Variants in PDE3A observed in about 807,000 individuals in gnomAD.
PDE3A encodes the protein phosphodiesterase 3A, also known as cGMP-inhibited 3',5'-cyclic phosphodiesterase 3A.
A neutral mutation model predicts 98.3 loss-of-function variants in PDE3A; 43 were observed. The observed-to-expected ratio is 0.44, with a 90% CI of 0.34 to 0.56. The LOEUF is 0.56. Among genes scored for constraint, PDE3A ranks in the 20% least tolerant of loss-of-function variants. PDE3A has a pLI of 0.01. For synonymous variants in PDE3A, 663 were observed against 567.9 expected (o/e 1.17, Z -2.38); for missense variants, 1,427 against 1,440.7 (o/e 0.99, Z 0.15).
chr12:20,450,691 C>T (rs897213897), intron 1 of PDE3A, among the ~76,000 whole-genome samples: 4 of 152,208 alleles, frequency 2.6e-5, no homozygotes, highest in African/African-American at 9.6e-5. Flanking sequence ...AAGTTGTCTT[C>T]AACCAAGAGT....
chr12:20,489,769 C>G (rs1270791140), intron 1 of PDE3A, among the ~76,000 whole-genome samples: 1 of 152,120 alleles, frequency 6.6e-6, no homozygotes, highest in Non-Finnish European at 1.5e-5. Context: ...ACAGATGGGT[C>G]TTAGGTCAGG....
At chr12:20,587,999 G>A (rs4131935) in intron 2 of PDE3A, among the ~76,000 whole-genome samples, 110,825 of 152,102 alleles carry the variant, frequency 0.73, 40,436 homozygotes, top group Admixed American at 0.8. Flanking sequence ...CTTAAAATGA[G>A]GCAGATAAAA....
At chr12:20,509,003 A>G (rs1046478930) in intron 1 of PDE3A, among the ~76,000 whole-genome samples, 2 of 152,042 alleles carry the variant, frequency 1.3e-5, no homozygotes, top group Non-Finnish European at 2.9e-5. Flanking sequence ...TTTCGTATAT[A>G]GCCAGCATTT....
At chr12:20,444,216 A>T (rs1479574169) in intron 1 of PDE3A, among the ~76,000 whole-genome samples, 1 of 152,132 alleles carries the variant, frequency 6.6e-6, no homozygotes, top group Non-Finnish European at 1.5e-5. Context: ...CCTGTAGCTG[A>T]GTTTTCTTTT....
chr12:20,687,521 T>C lies in PDE3A; in HGVS notation c.*7250T>C, dbSNP rs900032889. Among the ~76,000 whole-genome samples, 1 of 151,922 alleles carries C rather than the reference T, an allele frequency of 6.6e-6. No individual in the cohort carries two copies. The highest frequency in any genetic ancestry group is 6.6e-5 in the Admixed American group (1 of 15,228). On this transcript the variant is annotated 3_prime_UTR_variant, in exon 16 of 16. Transcript: ENST00000359062. ...AACTGGTGTTTTTTTCACTTATGAC[T>C]GTCAGTTTATGTCTTAATGTATTCT...
At chr12:20,524,889 C>T (rs7303852) in intron 1 of PDE3A, among the ~76,000 whole-genome samples, 31,182 of 152,024 alleles carry the variant, frequency 0.21, 3,411 homozygotes, top group South Asian at 0.25. Flanking sequence ...AATCCCAGCA[C>T]TTTGGGAGAC....
chr12:20,600,973 G>GTTAC (rs1685053043), intron 2 of PDE3A, among the ~76,000 whole-genome samples: 1 of 152,128 alleles, frequency 6.6e-6, no homozygotes, highest in South Asian at 2.1e-4. Flanking sequence ...TTTGGAGTAT[G>GTTAC]TTACTTATGC....
intron 8 of PDE3A, among the ~76,000 whole-genome samples, chr12:20,635,591 AGAAAG>A (rs145595101): frequency 0.048 from 7,119 of 147,710 alleles, 249 homozygotes; most frequent in Non-Finnish European, 0.07. Flanking sequence ...AAAAAAAAAA[AGAAAG>A]AAAGAAATTA....
intron 1 of PDE3A, among the ~76,000 whole-genome samples, chr12:20,479,595 G>A (rs1372322058): frequency 6.6e-6 from 1 of 152,138 alleles, no homozygotes; most frequent in African/African-American, 2.4e-5. Context: ...GAATGTTTTG[G>A]TTGTTCATCC....
intron 1 of PDE3A, among the ~76,000 whole-genome samples, chr12:20,533,325 A>G (rs1941659169): frequency 2.0e-5 from 3 of 151,842 alleles, no homozygotes; most frequent in Non-Finnish European, 2.9e-5. Flanking sequence ...ATGGTTATCC[A>G]TGTTCCCTAT....
Position 20,369,740 on chromosome 12 carries a change from C to T in PDE3A, c.456C>T (p.Arg152=), listed in dbSNP as rs1489436873. ...TCTGGATGGGCTTGTACCTCCTGCG[C>T]GCCGGGGTGCGCCTGCCTCTGGCTG... ...AFFWMGLYLL[R]AGVRLPLAVA... Residue 152 remains arginine (R), a synonymous_variant, in exon 1 of 16, where the codon CGC becomes CGT. Transcript: ENST00000359062. 4.3e-6 allele frequency: 7 copies of T among 1,612,118 alleles called. No homozygotes were observed. The African/African-American group carries it at 9.3e-5, about 22-fold the overall frequency.
intron 1 of PDE3A, chr12:20,551,904 CG>C (rs1942215409): frequency 6.2e-7 from 1 of 1,613,452 alleles, no homozygotes; most frequent in Non-Finnish European, 8.5e-7. Context: ...CGGGGATCCC[CG>C]TGGGCACCAT....
At chr12:20,541,732 CA>C (rs1592037520) in intron 1 of PDE3A, among the ~76,000 whole-genome samples, 2 of 151,538 alleles carry the variant, frequency 1.3e-5, no homozygotes, top group Admixed American at 6.6e-5. Context: ...CTTTTTTCTG[CA>C]AAAAAAGCAT....
chr12:20,438,076 T>C (rs972978224), intron 1 of PDE3A, among the ~76,000 whole-genome samples: 2 of 152,142 alleles, frequency 1.3e-5, no homozygotes, highest in African/African-American at 4.8e-5. Flanking sequence ...GTTAAGACTT[T>C]TCTTGGGGGT....
chr12:20,595,679 A>T (rs1447696836), intron 2 of PDE3A, among the ~76,000 whole-genome samples: 1 of 152,198 alleles, frequency 6.6e-6, no homozygotes, highest in Non-Finnish European at 1.5e-5. Flanking sequence ...TGAAACTAGT[A>T]GGGAGACATT....
chr12:20,428,006 G>A (rs959442447), intron 1 of PDE3A, among the ~76,000 whole-genome samples: 1 of 152,050 alleles, frequency 6.6e-6, no homozygotes, highest in Non-Finnish European at 1.5e-5. Context: ...GAGGTCAGGA[G>A]TAATCCCACA....
rs758857424 is a variant in PDE3A, at chr12:20,616,379, A to C, written c.1419A>C (p.Ser473=). Residue 473 remains serine, a synonymous_variant, in exon 4 of 16, where the codon TCA becomes TCC. Transcript: ENST00000359062. Reference sequence around the variant, plus strand: ...GCATCAAACTGCAGGAAGCACCTTCATCCAGGTGGCATACGGCTCCTGCTG... The same window carrying C: ...GCATCAAACTGCAGGAAGCACCTTCCTCCAGGTGGCATACGGCTCCTGCTG... ...STSIKLQEAP[S]SSPDSWNNPV... is the part of the protein sequence containing the mutation. The C allele has an allele frequency of 6.2e-7, 1 of 1,612,884 alleles. No homozygotes were observed. The highest frequency in any genetic ancestry group is 1.7e-5 in the Admixed American group (1 of 59,954).
chr12:20,647,039 A>G (rs1944791282), intron 12 of PDE3A, 89 bp downstream of exon 12: 5 of 838,772 alleles, frequency 6.0e-6, no homozygotes, highest in Non-Finnish European at 9.9e-6. Flanking sequence ...GCACCAAGTT[A>G]ATATAAGCCA....
intron 1 of PDE3A, among the ~76,000 whole-genome samples, chr12:20,416,319 C>A (rs563028468): frequency 6.6e-6 from 1 of 152,130 alleles, no homozygotes; most frequent in African/African-American, 2.4e-5. Flanking sequence ...GACAAACTAC[C>A]GTTAGGTTGT....
Sources: allele counts gnomAD v4.1 joint callset (sites outside exome capture counted in the v4.1 genomes callset), GRCh38; gene constraint gnomAD v4.1.1; transcripts MANE v1.5; gene names NCBI Gene and HGNC (gene_info 2026-07-23, HGNC 2026-07-21).